Variants in RFPL1 observed in about 807,000 individuals in gnomAD.
The protein encoded by RFPL1 is ret finger protein-like 1.
Under a neutral mutation model 9.6 loss-of-function variants are expected in RFPL1, and 6 were observed. That is an observed-to-expected ratio of 0.62 (90% confidence interval 0.34 to 1.23). The LOEUF is 1.23. Among genes scored for constraint, RFPL1 ranks in the 50% most tolerant of loss-of-function variants. The pLI, the probability that RFPL1 is intolerant of heterozygous loss-of-function variation, is 0.03. For missense variants in RFPL1, 352 were observed against 398.4 expected (o/e 0.88, Z 0.99); for synonymous variants, 145 against 149.4 (o/e 0.97, Z 0.22).
At chr22:29,423,832 C>T in the RFPL1 span, among the ~76,000 whole-genome samples, 1 of 152,144 alleles carries the variant, frequency 6.6e-6, no homozygotes, top group East Asian at 1.9e-4. Flanking sequence ...TAGCAGTTCC[C>T]AAATCTACCT....
the RFPL1 span, among the ~76,000 whole-genome samples, chr22:29,395,847 C>T: frequency 6.6e-6 from 1 of 152,074 alleles, no homozygotes; most frequent in Non-Finnish European, 1.5e-5. Flanking sequence ...GTGGTGAGTG[C>T]CTGTAATCCC....
chr22:29,392,101 CG>C, the RFPL1 span, among the ~76,000 whole-genome samples: 1 of 152,062 alleles, frequency 6.6e-6, no homozygotes, highest in Non-Finnish European at 1.5e-5. Context: ...TTTGGTGAGC[CG>C]GGGTCTTGCT....
At chr22:29,394,344 T>C in the RFPL1 span, among the ~76,000 whole-genome samples, 1 of 149,822 alleles carries the variant, frequency 6.7e-6, no homozygotes, top group Non-Finnish European at 1.5e-5. Flanking sequence ...TGTTTTTGTT[T>C]TGTTTTGTTT....
At chr22:29,395,371 G>T in the RFPL1 span, among the ~76,000 whole-genome samples, 4 of 152,008 alleles carry the variant, frequency 2.6e-5, no homozygotes, top group African/African-American at 9.7e-5. Context: ...GCAGGAGGTG[G>T]CTTTGTCCAT....
At chr22:29,417,430 T>C in the RFPL1 span, among the ~76,000 whole-genome samples, 1 of 150,956 alleles carries the variant, frequency 6.6e-6, no homozygotes, top group East Asian at 1.9e-4. Flanking sequence ...GGGTGATCCA[T>C]GGGGACGTCT....
the RFPL1 span, among the ~76,000 whole-genome samples, chr22:29,420,083 C>G: frequency 1.3e-5 from 2 of 152,206 alleles, no homozygotes; most frequent in African/African-American, 4.8e-5. Flanking sequence ...ACATGGAGGC[C>G]TTTCCTGTTT....
the RFPL1 span, among the ~76,000 whole-genome samples, chr22:29,425,457 G>C: frequency 4.9e-4 from 75 of 152,276 alleles, 1 homozygote; most frequent in Admixed American, 1.2e-3. Context: ...TAGCTCCTCA[G>C]TTTCTGCCTT....
At chr22:29,440,380 G>A (rs902691620) in intron 1 of RFPL1, 1 of 151,990 alleles carries the variant, frequency 6.6e-6, no homozygotes, top group African/African-American at 2.4e-5. Flanking sequence ...TGACTTGAAG[G>A]ATCATATGTT....
At chr22:29,393,655 A>G in the RFPL1 span, among the ~76,000 whole-genome samples, 12 of 152,116 alleles carry the variant, frequency 7.9e-5, no homozygotes, top group Admixed American at 3.3e-4. Flanking sequence ...TGTGGGGAGC[A>G]GAGCCAATGG....
chr22:29,435,748 A>T (rs1483841128), upstream of RFPL1, among the ~76,000 whole-genome samples: 1 of 152,204 alleles, frequency 6.6e-6, no homozygotes, highest in African/African-American at 2.4e-5. Context: ...TTAATATGTG[A>T]TACATTTTAG....
chr22:29,423,046 T>C, the RFPL1 span: 69 of 1,000,916 alleles, frequency 6.9e-5, no homozygotes, highest in Non-Finnish European at 1.1e-4. Context: ...CCACCCCTAC[T>C]CCCTACCGCC....
the RFPL1 span, chr22:29,433,495 A>C: frequency 1.1e-4 from 19 of 167,856 alleles, no homozygotes; most frequent in African/African-American, 4.5e-4. Context: ...AAAATCAAGG[A>C]AGTGGAGCCC....
chr22:29,424,812 C>T, the RFPL1 span, among the ~76,000 whole-genome samples: 3 of 137,220 alleles, frequency 2.2e-5, no homozygotes, highest in African/African-American at 5.5e-5. Context: ...CAGAGCAAGA[C>T]TCTGTCTCCC....
the RFPL1 span, among the ~76,000 whole-genome samples, chr22:29,402,419 A>G: frequency 0.01 from 1,543 of 152,360 alleles, 24 homozygotes; most frequent in African/African-American, 0.035. Flanking sequence ...CATGGAAGAA[A>G]GAAACAGAGG....
At chr22:29,399,414 T>C in the RFPL1 span, among the ~76,000 whole-genome samples, 1 of 152,210 alleles carries the variant, frequency 6.6e-6, no homozygotes, top group Non-Finnish European at 1.5e-5. Context: ...TGGAACAAAA[T>C]AGACCTCACC....
chr22:29,420,931 G>A, the RFPL1 span, among the ~76,000 whole-genome samples: 61 of 152,062 alleles, frequency 4.0e-4, no homozygotes, highest in African/African-American at 9.4e-4. Flanking sequence ...GTGATCCACC[G>A]TGCCCAGCCC....
the RFPL1 span, among the ~76,000 whole-genome samples, chr22:29,390,885 A>C: frequency 6.6e-6 from 1 of 151,046 alleles, no homozygotes; most frequent in Non-Finnish European, 1.5e-5. Context: ...GGTGTGAGCC[A>C]CCGTGCCCGG....
chr22:29,421,812 CTTCAG>C, the RFPL1 span, among the ~76,000 whole-genome samples: 1 of 151,870 alleles, frequency 6.6e-6, no homozygotes, highest in Non-Finnish European at 1.5e-5. Context: ...ACCCAGTACA[CTTCAG>C]TGTGGTTACT....
At chr22:29,409,764 C>T in the RFPL1 span, among the ~76,000 whole-genome samples, 2 of 152,180 alleles carry the variant, frequency 1.3e-5, no homozygotes, top group East Asian at 3.9e-4. Context: ...TTTTTGTTGG[C>T]TGGAACATCA....
Sources: allele counts gnomAD v4.1 joint callset (sites outside exome capture counted in the v4.1 genomes callset), GRCh38; gene constraint gnomAD v4.1.1; transcripts MANE v1.5; gene names NCBI Gene and HGNC (gene_info 2026-07-23, HGNC 2026-07-21).